The following ZNF385D variants were observed in gnomAD, a reference collection of about 807,000 sequenced individuals.
ZNF385D encodes the protein zinc finger protein 659.
A neutral mutation model predicts 35.8 loss-of-function variants in ZNF385D; 15 were observed. That is an observed-to-expected ratio of 0.42 (90% CI 0.28 to 0.64). The LOEUF is 0.64. Ranked by LOEUF, ZNF385D falls within the 30% of genes least tolerant of loss-of-function variation. ZNF385D has a pLI of 0.23. For missense variants in ZNF385D, 474 were observed against 494.6 expected (o/e 0.96, Z 0.39); for synonymous variants, 212 against 186.8 (o/e 1.13, Z -1.10).
At chr3:21,609,787 T>C (rs2064611163) in intron 2 of ZNF385D, among the ~76,000 whole-genome samples, 1 of 152,168 alleles carries the variant, frequency 6.6e-6, no homozygotes, top group Non-Finnish European at 1.5e-5. Context: ...ACTGTTAATA[T>C]ATAAGCTACA....
In ZNF385D at chr3:21,465,347, G is replaced by C. The variant is rs1055439670; in HGVS notation, c.440-28144C>G. ...GTTGTTCTCATCACTGAATATTTTG[G>C]TCTAACAAAGCCATATATAATCCCA... On this transcript the variant is annotated intron_variant, in intron 4 of 7. Coordinates refer to ENST00000281523, the MANE Select transcript of ZNF385D (RefSeq NM_024697.3). The surrounding 1 kb of genome is among the most constrained non-coding windows in gnomAD (Gnocchi z 4.2). Among the ~76,000 whole-genome samples, 1 of 152,030 alleles carries C rather than the reference G, an allele frequency of 6.6e-6. No individual in the cohort carries two copies. Among genetic ancestry groups the C allele is most frequent in the African/African-American group, 2.4e-5 (1 of 41,374 alleles).
intron 3 of ZNF385D, among the ~76,000 whole-genome samples, chr3:22,150,560 C>A (rs921317772): frequency 1.3e-5 from 2 of 152,108 alleles, no homozygotes; most frequent in African/African-American, 2.4e-5. Flanking sequence ...GGCATACCCA[C>A]TGCAATGAGC....
intron 4 of ZNF385D, among the ~76,000 whole-genome samples, chr3:21,508,538 A>G (rs1305795266): frequency 6.6e-6 from 1 of 152,130 alleles, no homozygotes; most frequent in East Asian, 1.9e-4. Context: ...TTTGTTATAT[A>G]TTAACTACAT....
intron 1 of ZNF385D, among the ~76,000 whole-genome samples, chr3:21,686,074 G>A (rs1453585279): frequency 1.3e-5 from 2 of 152,080 alleles, no homozygotes; most frequent in African/African-American, 2.4e-5. Flanking sequence ...GCTTTCATGT[G>A]ACCTATATAA....
chr3:21,775,078 C>T (rs2071232489), intron 3 of ZNF385D, among the ~76,000 whole-genome samples: 1 of 151,782 alleles, frequency 6.6e-6, no homozygotes, highest in African/African-American at 2.4e-5. Context: ...GCATAATTTA[C>T]TCTTGCAAGA....
At chr3:21,451,438 A>T (rs549972386) in intron 4 of ZNF385D, among the ~76,000 whole-genome samples, 9 of 152,108 alleles carry the variant, frequency 5.9e-5, no homozygotes, top group African/African-American at 2.2e-4. Context: ...TGAGATAAAG[A>T]CTACTTCTTT....
chr3:21,737,871 A>G (rs2069321765), intron 1 of ZNF385D, among the ~76,000 whole-genome samples: 2 of 152,220 alleles, frequency 1.3e-5, no homozygotes, highest in South Asian at 4.1e-4. Flanking sequence ...TGGTTCTTCT[A>G]TCAGGCACAA....
chr3:22,247,028 T>C (rs1003327983), intron 2 of ZNF385D, among the ~76,000 whole-genome samples: 2 of 152,176 alleles, frequency 1.3e-5, no homozygotes, highest in African/African-American at 4.8e-5. Flanking sequence ...ACTTCATTTA[T>C]ACACTAACTC....
At chr3:21,703,863 C>T (rs922478074) in intron 1 of ZNF385D, among the ~76,000 whole-genome samples, 1 of 152,006 alleles carries the variant, frequency 6.6e-6, no homozygotes, top group Non-Finnish European at 1.5e-5. Context: ...ATGGTCAACT[C>T]TCACCACTTT....
At chr3:22,056,925 A>C (rs1699431961) in intron 3 of ZNF385D, among the ~76,000 whole-genome samples, 1 of 152,238 alleles carries the variant, frequency 6.6e-6, no homozygotes, top group Non-Finnish European at 1.5e-5. Context: ...TAAAGTCTCT[A>C]ATCACATCAT....
At chr3:21,720,072 A>G (rs889369371) in intron 1 of ZNF385D, among the ~76,000 whole-genome samples, 1 of 152,230 alleles carries the variant, frequency 6.6e-6, no homozygotes, top group Non-Finnish European at 1.5e-5. Flanking sequence ...TTGAAAAAAT[A>G]CTAATGCCCA....
At position 21,896,370 on chromosome 3, in the gene ZNF385D, T is replaced by C. The variant is rs190714514; in HGVS notation, c.326-231342A>G. On this transcript the variant is annotated intron_variant, in intron 3 of 5. Transcript: ENST00000494108. ...ACCCATGGTGTAGATACCAACTTCCTAAAGGTAAATGAAAAAAACAAAATA... is the reference window on the plus strand; with the variant it reads ...ACCCATGGTGTAGATACCAACTTCCCAAAGGTAAATGAAAAAAACAAAATA... 4.4e-3 allele frequency among the ~76,000 whole-genome samples: 664 copies of C among 151,996 alleles called. 4 individuals carry two copies. Among genetic ancestry groups the C allele is most frequent in the South Asian group, 0.024 (116 of 4,818 alleles).
chr3:22,259,817 A>G (rs908982916), intron 2 of ZNF385D, among the ~76,000 whole-genome samples: 3 of 151,190 alleles, frequency 2.0e-5, no homozygotes, highest in African/African-American at 7.3e-5. Context: ...CCATCACTCC[A>G]AATGCCAACA....
chr3:21,640,474 T>TA (rs1212723850), intron 2 of ZNF385D, among the ~76,000 whole-genome samples: 1 of 152,106 alleles, frequency 6.6e-6, no homozygotes, highest in Non-Finnish European at 1.5e-5. Flanking sequence ...GTTATGGTAC[T>TA]AAGAGGTGAG....
intron 3 of ZNF385D, among the ~76,000 whole-genome samples, chr3:21,919,613 G>T (rs1454138591): frequency 2.0e-5 from 3 of 152,168 alleles, no homozygotes; most frequent in Admixed American, 2.0e-4. Flanking sequence ...CATATTAAAA[G>T]CTCTGATAAT....
intron 2 of ZNF385D, among the ~76,000 whole-genome samples, chr3:22,355,505 G>A (rs1696110399): frequency 6.6e-6 from 1 of 151,862 alleles, no homozygotes; most frequent in South Asian, 2.1e-4. Flanking sequence ...TGAAGTCTCA[G>A]AGCACCAGCT....
chr3:21,994,824 T>C (rs1292206752), intron 3 of ZNF385D, among the ~76,000 whole-genome samples: 2 of 152,254 alleles, frequency 1.3e-5, no homozygotes, highest in African/African-American at 4.8e-5. Context: ...ATAGTGTCTA[T>C]GATTTCCTAA....
intron 3 of ZNF385D, among the ~76,000 whole-genome samples, chr3:21,540,068 G>T (rs2062135342): frequency 6.6e-6 from 1 of 151,986 alleles, no homozygotes; most frequent in Non-Finnish European, 1.5e-5. Flanking sequence ...TAATACATAG[G>T]CTACACTGCT....
At chr3:22,293,588 A>G (rs1249791861) in intron 2 of ZNF385D, among the ~76,000 whole-genome samples, 1 of 152,132 alleles carries the variant, frequency 6.6e-6, no homozygotes, top group Non-Finnish European at 1.5e-5. Context: ...CAGTGGATAG[A>G]TAACATATTT....
Sources: allele counts gnomAD v4.1 joint callset (sites outside exome capture counted in the v4.1 genomes callset), GRCh38; gene constraint gnomAD v4.1.1; non-coding constraint Gnocchi (gnomAD v3.1); transcripts MANE v1.5; gene names NCBI Gene and HGNC (gene_info 2026-07-23, HGNC 2026-07-21).